The following ACSS2 variants were observed in gnomAD, a reference collection of about 807,000 sequenced individuals.
ACSS2 encodes acetyl-coenzyme A synthetase, cytoplasmic.
ACSS2 carries 58 observed loss-of-function variants against 90.6 expected under a neutral mutation model. The observed-to-expected ratio is 0.64, with a 90% confidence interval of 0.52 to 0.80. The LOEUF (loss-of-function observed/expected upper bound fraction) is 0.80. ACSS2 is among the 30% of genes least tolerant of loss of function. The pLI, the probability that ACSS2 is intolerant of heterozygous loss-of-function variation, is 0.00. For synonymous variants in ACSS2, 300 were observed against 330.9 expected (o/e 0.91, Z 1.01); for missense variants, 759 against 912.0 (o/e 0.83, Z 2.16).
At chr20:34,898,972 G>C (rs966687975) in intron 2 of ACSS2, among the ~76,000 whole-genome samples, 1 of 152,238 alleles carries the variant, frequency 6.6e-6, no homozygotes, top group African/African-American at 2.4e-5. Context: ...AAGGCCTGGC[G>C]AGAAATGGAG....
Position 34,919,464 on chromosome 20 carries a change from G to A in ACSS2, c.864G>A (p.Trp288Ter). 3 of 1,613,604 alleles carry A rather than the reference G, an allele frequency of 1.9e-6. No individual in the cohort carries two copies. Among genetic ancestry groups the A allele is most frequent in the Non-Finnish European group, 2.5e-6 (3 of 1,180,010 alleles). ...QISWNQGIDL[W>*]WHELMQEAGD... Reference sequence around the variant, plus strand: ...CATGGAACCAAGGGATTGACTTGTGGTGGCATGAGCTCATGCAAGAGGCAG... The same window carrying A: ...CATGGAACCAAGGGATTGACTTGTGATGGCATGAGCTCATGCAAGAGGCAG... Residue 288 changes from tryptophan (W) to a stop codon, truncating the protein, a stop_gained, in exon 8 of 18, where the codon TGG becomes TGA. Transcript: ENST00000360596. LOFTEE classifies it high-confidence loss of function.
chr20:34,919,330 T>C, intron 7 of ACSS2, 105 bp from the exon 8 acceptor site: 1 of 1,538,418 alleles, frequency 6.5e-7, no homozygotes, highest in Non-Finnish European at 8.8e-7. Context: ...TCCCTTCCTG[T>C]ACTCCTACCT....
chr20:34,926,693 A>C (rs1158306473), intron 16 of ACSS2, among the ~76,000 whole-genome samples, 184 bp from the exon 17 acceptor site: 2 of 152,094 alleles, frequency 1.3e-5, no homozygotes, highest in Non-Finnish European at 2.9e-5. Context: ...TGAGTTCCAT[A>C]AGATAAAATG....
intron 2 of ACSS2, among the ~76,000 whole-genome samples, chr20:34,900,685 GCATTAGGGTCTA>G (rs112845105): frequency 7.9e-5 from 12 of 152,320 alleles, no homozygotes; most frequent in African/African-American, 2.6e-4. Flanking sequence ...GAGTGAGGCT[GCATTAGGGTCTA>G]CAAGTTAGAT....
At chr20:34,899,420 T>TTCTTTC (rs1555882547) in intron 2 of ACSS2, among the ~76,000 whole-genome samples, 8 of 65,976 alleles carry the variant, frequency 1.2e-4, no homozygotes, top group African/African-American at 2.2e-4. Flanking sequence ...CTTTCTTTCT[T>TTCTTTC]TCTTTCCTTC....
At chr20:34,897,071 A>G (rs2080481967) in intron 2 of ACSS2, among the ~76,000 whole-genome samples, 1 of 152,166 alleles carries the variant, frequency 6.6e-6, no homozygotes, top group Admixed American at 6.5e-5. Flanking sequence ...GAATGAATGA[A>G]TGAATAGTGC....
At chr20:34,890,947 C>CA (rs5841185) in intron 2 of ACSS2, among the ~76,000 whole-genome samples, 42,423 of 109,674 alleles carry the variant, frequency 0.39, 7,173 homozygotes, top group Middle Eastern at 0.45. Flanking sequence ...TATTTGAGGC[C>CA]AAAAAAAAAA....
chr20:34,878,251 G>T (rs573707106), intron 1 of ACSS2, among the ~76,000 whole-genome samples: 1 of 152,238 alleles, frequency 6.6e-6, no homozygotes, highest in African/African-American at 2.4e-5. Context: ...AGTCAAAATT[G>T]CACCCCCATT....
upstream of ACSS2, chr20:34,876,454 C>T: frequency 1.9e-6 from 1 of 528,666 alleles, no homozygotes; most frequent in South Asian, 8.6e-5. Context: ...TCTGTCCTTG[C>T]CAACCTCGAT....
intron 2 of ACSS2, among the ~76,000 whole-genome samples, chr20:34,897,659 T>A (rs2080497616): frequency 6.6e-6 from 1 of 152,016 alleles, no homozygotes; most frequent in African/African-American, 2.4e-5. Flanking sequence ...TGAAACCCCA[T>A]CTCTACTAAA....
chr20:34,915,887 C>A (rs1404370285), intron 7 of ACSS2, among the ~76,000 whole-genome samples: 1 of 151,840 alleles, frequency 6.6e-6, no homozygotes, highest in Non-Finnish European at 1.5e-5. Context: ...GTCCAGAGAC[C>A]AATTTTTAGC....
intron 2 of ACSS2, among the ~76,000 whole-genome samples, chr20:34,892,453 G>A (rs1373062936): frequency 6.6e-6 from 1 of 151,858 alleles, no homozygotes; most frequent in East Asian, 1.9e-4. Context: ...AGGAATTGTA[G>A]TACCAATATC....
rs369440052 is a variant in ACSS2, at chr20:34,905,798, A to C, written c.375-7298A>C. Among the ~76,000 whole-genome samples the C allele has an allele frequency of 2.6e-4, 39 of 152,336 alleles. No homozygotes were observed. The East Asian group carries it at 7.1e-3, about 28-fold the overall frequency. On this transcript the variant is annotated intron_variant, in intron 2 of 17. Coordinates refer to ENST00000360596, the MANE Select transcript of ACSS2 (RefSeq NM_018677.4). ...ATGTGCTGCTGTTTTCTTATAGGGA[A>C]GTGGAAAGGGAACTATTTCTTATCT...
intron 2 of ACSS2, among the ~76,000 whole-genome samples, chr20:34,899,034 C>G (rs1189947721): frequency 1.3e-5 from 2 of 152,238 alleles, no homozygotes; most frequent in African/African-American, 4.8e-5. Flanking sequence ...CCCTCCGCAG[C>G]TGCTGGCCCG....
intron 2 of ACSS2, among the ~76,000 whole-genome samples, chr20:34,889,006 C>CTTTTTTTT (rs71299220): frequency 1.4e-5 from 2 of 141,894 alleles, no homozygotes; most frequent in Non-Finnish European, 3.1e-5. Context: ...ACTAGACAAT[C>CTTTTTTTT]TTTTTTTTTT....
chr20:34,913,545 G>A, intron 4 of ACSS2, 49 bp downstream of exon 4: 1 of 1,560,432 alleles, frequency 6.4e-7, no homozygotes, highest in Non-Finnish European at 8.8e-7. Context: ...GTGGGGCTCT[G>A]GAGAAGTAGG....
At chr20:34,885,319 G>C (rs1601289001) in intron 2 of ACSS2, among the ~76,000 whole-genome samples, 2 of 152,312 alleles carry the variant, frequency 1.3e-5, no homozygotes, top group Middle Eastern at 3.4e-3. Context: ...GTGCCTAATG[G>C]AAAACAGAAT....
intron 7 of ACSS2, among the ~76,000 whole-genome samples, chr20:34,916,398 A>G (rs2081078833): frequency 6.6e-6 from 1 of 152,230 alleles, no homozygotes; most frequent in South Asian, 2.1e-4. Flanking sequence ...CAATATATGT[A>G]AGGTGTTTGG....
upstream of ACSS2, chr20:34,876,342 C>T (rs1204923865): frequency 1.4e-5 from 4 of 278,206 alleles, no homozygotes; most frequent in Admixed American, 1.1e-4. Context: ...CCACCCTCTC[C>T]CTTGTCACAC....
Sources: allele counts gnomAD v4.1 joint callset (sites outside exome capture counted in the v4.1 genomes callset), GRCh38; gene constraint gnomAD v4.1.1; transcripts MANE v1.5; gene names NCBI Gene and HGNC (gene_info 2026-07-23, HGNC 2026-07-21).